Variants in EXOC4 observed in about 807,000 individuals in gnomAD.
EXOC4 encodes SEC8-like 1.
EXOC4 carries 71 observed loss-of-function variants against 107.2 expected under a neutral mutation model. The ratio of observed to expected loss-of-function variants is 0.66; its 90% CI spans 0.55 to 0.81. The LOEUF (loss-of-function observed/expected upper bound fraction) is 0.81. EXOC4 is among the 30% of genes least tolerant of loss of function. EXOC4 has a pLI of 0.00. For synonymous variants in EXOC4, 456 were observed against 441.2 expected (o/e 1.03, Z -0.42); for missense variants, 1,108 against 1,189.6 (o/e 0.93, Z 1.01).
chr7:133,970,748 G>T (rs984757249), intron 14 of EXOC4, among the ~76,000 whole-genome samples: 1 of 152,044 alleles, frequency 6.6e-6, no homozygotes, highest in Non-Finnish European at 1.5e-5. Flanking sequence ...CACCTTCTGC[G>T]TTGATCTCGC....
intron 10 of EXOC4, among the ~76,000 whole-genome samples, chr7:133,643,933 G>A (rs545193450): frequency 1.2e-4 from 18 of 152,168 alleles, no homozygotes; most frequent in East Asian, 3.9e-4. Flanking sequence ...TACAGTTACC[G>A]TGGTAAAAGG....
At chr7:134,078,700 G>A in the EXOC4 span, among the ~76,000 whole-genome samples, 2 of 152,182 alleles carry the variant, frequency 1.3e-5, no homozygotes, top group African/African-American at 4.8e-5. Flanking sequence ...ATCTTAAAAT[G>A]AGGAAACATA....
At chr7:133,918,396 C>T (rs771539290) in intron 13 of EXOC4, among the ~76,000 whole-genome samples, 3 of 152,172 alleles carry the variant, frequency 2.0e-5, no homozygotes, top group Admixed American at 6.5e-5. Flanking sequence ...CCCTTTCAAA[C>T]ATGAGAGTAA....
chr7:133,776,708 C>T (rs1796352896), intron 10 of EXOC4, among the ~76,000 whole-genome samples: 2 of 152,132 alleles, frequency 1.3e-5, no homozygotes, highest in Admixed American at 1.3e-4. Context: ...TAACATTTGG[C>T]TTAGAGTAAG....
At chr7:133,495,273 C>G (rs541910869) in intron 9 of EXOC4, among the ~76,000 whole-genome samples, 1 of 151,628 alleles carries the variant, frequency 6.6e-6, no homozygotes, top group Non-Finnish European at 1.5e-5. Flanking sequence ...AAAAATTGTG[C>G]GTAACACTGG....
intron 10 of EXOC4, among the ~76,000 whole-genome samples, chr7:133,755,816 G>GT (rs2151144696): frequency 6.6e-6 from 1 of 152,182 alleles, no homozygotes; most frequent in African/African-American, 2.4e-5. Flanking sequence ...AGATATTCCT[G>GT]TTTTTAATTT....
intron 10 of EXOC4, among the ~76,000 whole-genome samples, chr7:133,688,462 T>TA (rs971953588): frequency 2.6e-5 from 4 of 152,118 alleles, no homozygotes; most frequent in Non-Finnish European, 5.9e-5. Context: ...GAAATGACAG[T>TA]ATAGTGATGA....
At chr7:133,667,834 A>G (rs1245846959) in intron 10 of EXOC4, among the ~76,000 whole-genome samples, 2 of 152,206 alleles carry the variant, frequency 1.3e-5, no homozygotes, top group African/African-American at 2.4e-5. Flanking sequence ...AACTCCAACA[A>G]CTAGTGCATT....
chr7:133,274,684 A>G (rs777551547), intron 1 of EXOC4, among the ~76,000 whole-genome samples: 1 of 152,208 alleles, frequency 6.6e-6, no homozygotes, highest in Non-Finnish European at 1.5e-5. Flanking sequence ...ACTCAAATCA[A>G]GAGTTACCCA....
chr7:134,070,587 T>C (rs2116666958), downstream of EXOC4, among the ~76,000 whole-genome samples: 1 of 152,258 alleles, frequency 6.6e-6, no homozygotes, highest in South Asian at 2.1e-4. Context: ...GTGAGTGTGA[T>C]GAAACGTACA....
At chr7:133,639,561 T>A (rs1031938672) in intron 10 of EXOC4, among the ~76,000 whole-genome samples, 1 of 152,114 alleles carries the variant, frequency 6.6e-6, no homozygotes, top group Admixed American at 6.6e-5. Flanking sequence ...GAAAGGAAAC[T>A]TCTTTGATTC....
In EXOC4 at chr7:133,854,407, AGC is replaced by A. The variant is rs1491540512; in HGVS notation, c.1734+36864_1734+36865del. Among the ~76,000 whole-genome samples the A allele has an allele frequency of 2.8e-5, 3 of 107,992 alleles. No individual in the cohort carries two copies. The Admixed American group carries it at 3.3e-4, about 12-fold the overall frequency. 70.8% of individuals were successfully genotyped at this position (107,992 alleles called of 152,430 possible). ...CTCAACTGGGCTCAGTTGTTGAAAG[AGC>A]ACACACACACACACACACACACACA... On this transcript the variant is annotated intron_variant, in intron 11 of 17. Coordinates refer to ENST00000253861, the MANE Select transcript of EXOC4 (RefSeq NM_021807.4).
rs552656215 is a variant in EXOC4, at chr7:133,581,651, G to A, written c.1418-48394G>A. The stretch of plus-strand genomic sequence containing the variant: ...TGGGCGCCTGTAATCCCAGCTACTC[G>A]GGAGGCTGAGGCAGGAGAATGGCAT... On this transcript the variant is annotated intron_variant, in intron 9 of 17. Coordinates refer to ENST00000253861, the MANE Select transcript of EXOC4 (RefSeq NM_021807.4). Among the ~76,000 whole-genome samples, 847 of 150,942 alleles carry A rather than the reference G, an allele frequency of 5.6e-3. 8 individuals carry two copies. The highest frequency in any genetic ancestry group is 0.02 in the African/African-American group (803 of 41,038).
intron 15 of EXOC4, among the ~76,000 whole-genome samples, chr7:133,999,558 T>C (rs996673259): frequency 8.5e-5 from 13 of 152,178 alleles, no homozygotes; most frequent in Admixed American, 2.6e-4. Flanking sequence ...TGGTATCTCT[T>C]TATTTACAAG....
chr7:133,552,625 T>TTCTGCA (rs1196568989), intron 9 of EXOC4, among the ~76,000 whole-genome samples: 3 of 152,056 alleles, frequency 2.0e-5, no homozygotes, highest in Middle Eastern at 3.2e-3. Flanking sequence ...AACTCAGTAG[T>TTCTGCA]GACTTAGAAT....
At chr7:134,047,534 C>T (rs1440270462) in intron 17 of EXOC4, among the ~76,000 whole-genome samples, 1 of 152,154 alleles carries the variant, frequency 6.6e-6, no homozygotes, top group Non-Finnish European at 1.5e-5. Flanking sequence ...AGGCACAAAT[C>T]CCCATTCTAC....
intron 13 of EXOC4, among the ~76,000 whole-genome samples, chr7:133,931,584 T>A (rs904129033): frequency 6.6e-6 from 1 of 152,196 alleles, no homozygotes; most frequent in Non-Finnish European, 1.5e-5. Flanking sequence ...AAACTAAAAG[T>A]ATAATGATAG....
At chr7:133,869,888 C>G (rs76181041) in intron 11 of EXOC4, among the ~76,000 whole-genome samples, 1 of 152,194 alleles carries the variant, frequency 6.6e-6, no homozygotes, top group Non-Finnish European at 1.5e-5. Context: ...CAATCCACAG[C>G]TTGCCACTTG....
Position 133,374,884 on chromosome 7 carries a change from C to T in EXOC4, c.1064C>T (p.Ala355Val). The change falls in exon 7 of 18, where the codon GCA becomes GTA. Residue 355 changes from alanine to valine, a missense_variant. Physicochemically the swap from Ala to Val is moderately conservative, Grantham distance 64. Transcript: ENST00000253861. ...GACAAGTTTAATGCTGTAGCCGCTG[C>T]ACACTCTGTGGTCCTGGGATACCTG... is the stretch of plus-strand genomic sequence containing the variant. ...LFDKFNAVAA[A>V]HSVVLGYLQD... 1.9e-6 allele frequency: 3 copies of T among 1,614,034 alleles called. No homozygotes were observed. The highest frequency in any genetic ancestry group is 2.5e-6 in the Non-Finnish European group (3 of 1,179,908).
Sources: gnomAD v4.1 joint callset for allele counts (sites outside exome capture counted in the v4.1 genomes callset) on GRCh38, gnomAD v4.1.1 for gene constraint, MANE v1.5 for transcripts, NCBI Gene and HGNC (gene_info 2026-07-23, HGNC 2026-07-21) for gene names.